Variants in SYTL3 observed in about 807,000 individuals in gnomAD.
SYTL3 encodes the protein synaptotagmin like 3.
Under a neutral mutation model 82.1 loss-of-function variants are expected in SYTL3, and 88 were observed. The observed-to-expected ratio is 1.07, with a 90% CI of 0.90 to 1.28. The LOEUF is 1.28. SYTL3 is among the 50% of genes most tolerant of loss of function. The pLI, the probability that SYTL3 is intolerant of heterozygous loss-of-function variation, is 0.00. For missense variants in SYTL3, 831 were observed against 757.6 expected (o/e 1.10, Z -1.14); for synonymous variants, 311 against 289.4 (o/e 1.07, Z -0.76).
chr6:158,653,236 G>A (rs1013016804), intron 2 of SYTL3, among the ~76,000 whole-genome samples: 14 of 152,136 alleles, frequency 9.2e-5, no homozygotes, highest in Non-Finnish European at 1.8e-4. Flanking sequence ...GCCGGTCGCA[G>A]TGGCTCACAC....
chr6:158,676,524 G>A (rs1316791946), intron 5 of SYTL3, among the ~76,000 whole-genome samples: 4 of 151,846 alleles, frequency 2.6e-5, no homozygotes, highest in African/African-American at 9.7e-5. Flanking sequence ...AACACCAAAA[G>A]CAATGGCAAC....
chr6:158,689,376 C>T (rs1053007509), intron 6 of SYTL3, among the ~76,000 whole-genome samples: 2 of 152,128 alleles, frequency 1.3e-5, no homozygotes, highest in Admixed American at 6.5e-5. Context: ...CATCTCATCA[C>T]GAATAAGATT....
intron 2 of SYTL3, among the ~76,000 whole-genome samples, chr6:158,652,373 G>A (rs1168172672): frequency 1.3e-5 from 2 of 151,938 alleles, no homozygotes; most frequent in Admixed American, 6.6e-5. Context: ...CTCAGCCTCC[G>A]AAGTAGCTGG....
chr6:158,764,103 A>T (rs1444305082), intron 17 of SYTL3, among the ~76,000 whole-genome samples: 1 of 152,238 alleles, frequency 6.6e-6, no homozygotes, highest in Non-Finnish European at 1.5e-5. Context: ...ATTTTGTCCA[A>T]AGCATACTGT....
intron 16 of SYTL3, among the ~76,000 whole-genome samples, chr6:158,762,898 CAG>C (rs2128555106): frequency 1.3e-5 from 2 of 152,280 alleles, no homozygotes; most frequent in East Asian, 3.9e-4. Flanking sequence ...GCCTGGGCGA[CAG>C]AACAAAACTC....
At chr6:158,692,220 T>C (rs563280151) in intron 6 of SYTL3, among the ~76,000 whole-genome samples, 3 of 111,934 alleles carry the variant, frequency 2.7e-5, no homozygotes, top group African/African-American at 1.0e-4. Context: ...ATTGTGCCAC[T>C]GCACTCCAGC....
At chr6:158,692,958 AG>A (rs1322321241) in intron 6 of SYTL3, among the ~76,000 whole-genome samples, 3 of 151,302 alleles carry the variant, frequency 2.0e-5, no homozygotes, top group African/African-American at 7.3e-5. Context: ...CTCAAAAAAA[AG>A]AAAAAAAAAA....
intron 11 of SYTL3, among the ~76,000 whole-genome samples, chr6:158,744,304 CTTTTTTTT>C (rs869182913): frequency 1.0e-5 from 1 of 99,208 alleles, no homozygotes; most frequent in African/African-American, 4.0e-5. Context: ...CTTTTTCTTT[CTTTTTTTT>C]TTTTTTTTTT....
intron 2 of SYTL3, among the ~76,000 whole-genome samples, chr6:158,657,773 A>C (rs1278992636): frequency 6.6e-6 from 1 of 152,170 alleles, no homozygotes; most frequent in Non-Finnish European, 1.5e-5. Flanking sequence ...TACCATAAGC[A>C]ATGTTGCCCT....
At chr6:158,693,610 C>G (rs919971579) in intron 6 of SYTL3, among the ~76,000 whole-genome samples, 4 of 152,146 alleles carry the variant, frequency 2.6e-5, no homozygotes, top group Admixed American at 6.6e-5. Flanking sequence ...GTCTGAAACT[C>G]CTGACCTCAA....
chr6:158,740,994 G>A (rs543866340), intron 11 of SYTL3, among the ~76,000 whole-genome samples: 2 of 152,282 alleles, frequency 1.3e-5, no homozygotes, highest in South Asian at 4.1e-4. Flanking sequence ...TGAAGAAGTA[G>A]TAGTCTGTTG....
intron 6 of SYTL3, among the ~76,000 whole-genome samples, chr6:158,691,472 C>G (rs950131884): frequency 3.3e-5 from 5 of 151,900 alleles, no homozygotes; most frequent in African/African-American, 9.7e-5. Flanking sequence ...AACTAGAAAA[C>G]AAGCTGAAAA....
At chr6:158,728,677 A>T (rs1785028697) in intron 11 of SYTL3, among the ~76,000 whole-genome samples, 1 of 151,046 alleles carries the variant, frequency 6.6e-6, no homozygotes, top group South Asian at 2.1e-4. Flanking sequence ...GCGGTGGCTC[A>T]TGCCTGTAAT....
intron 5 of SYTL3, among the ~76,000 whole-genome samples, chr6:158,670,407 T>A (rs369479269): frequency 3.3e-5 from 5 of 152,350 alleles, no homozygotes; most frequent in African/African-American, 9.6e-5. Flanking sequence ...TTTAGCCTGG[T>A]GCCAAGGTTA....
intron 10 of SYTL3, among the ~76,000 whole-genome samples, chr6:158,722,361 C>A (rs1301052971): frequency 6.6e-6 from 1 of 151,886 alleles, no homozygotes; most frequent in Non-Finnish European, 1.5e-5. Context: ...AGGGTTTTAC[C>A]ATGTTGCCCA....
intron 8 of SYTL3, among the ~76,000 whole-genome samples, chr6:158,710,617 A>C (rs1182789497): frequency 6.6e-6 from 1 of 152,200 alleles, no homozygotes; most frequent in Non-Finnish European, 1.5e-5. Context: ...CAGCATAGCA[A>C]ACTGTGCTGT....
chr6:158,728,046 A>G (rs561263053), intron 11 of SYTL3, among the ~76,000 whole-genome samples: 1 of 152,350 alleles, frequency 6.6e-6, no homozygotes, highest in South Asian at 2.1e-4. Context: ...ACATTTTCAT[A>G]CATATGGGAG....
intron 17 of SYTL3, 111 bp downstream of exon 17, chr6:158,763,620 C>A: frequency 1.1e-6 from 1 of 887,692 alleles, no homozygotes; most frequent in South Asian, 1.6e-5. Flanking sequence ...TTTGAAATTG[C>A]CTAGCCTGCC....
intron 5 of SYTL3, among the ~76,000 whole-genome samples, chr6:158,675,814 G>T (rs1280630976): frequency 3.9e-5 from 6 of 152,188 alleles, no homozygotes; most frequent in Non-Finnish European, 8.8e-5. Context: ...GCCGGGCGCG[G>T]TGGTGGGCAC....
Sources: gnomAD v4.1 joint callset for allele counts (sites outside exome capture counted in the v4.1 genomes callset) on GRCh38, gnomAD v4.1.1 for gene constraint, MANE v1.5 for transcripts, NCBI Gene and HGNC (gene_info 2026-07-23, HGNC 2026-07-21) for gene names.